Variants in ACOXL observed in about 807,000 individuals in gnomAD.
The protein encoded by ACOXL is acyl-CoA oxidase like.
A neutral mutation model predicts 71.9 loss-of-function variants in ACOXL; 70 were observed. The observed-to-expected ratio is 0.97, with a 90% confidence interval of 0.80 to 1.19. The LOEUF (loss-of-function observed/expected upper bound fraction) is 1.19. Ranked by LOEUF, ACOXL falls within the 50% of genes most tolerant of loss-of-function variation. The pLI is 0.00. For synonymous variants in ACOXL, 253 were observed against 281.6 expected (o/e 0.90, Z 1.02); for missense variants, 703 against 736.3 (o/e 0.95, Z 0.52).
At chr2:110,797,020 C>CT (rs1685366775) in intron 5 of ACOXL, among the ~76,000 whole-genome samples, 1 of 152,162 alleles carries the variant, frequency 6.6e-6, no homozygotes, top group African/African-American at 2.4e-5. Flanking sequence ...GTTCCACTCT[C>CT]TGCCATTTCT....
chr2:111,003,896 C>T (rs2063757890), intron 14 of ACOXL, among the ~76,000 whole-genome samples: 1 of 151,992 alleles, frequency 6.6e-6, no homozygotes, highest in African/African-American at 2.4e-5. Flanking sequence ...TGGTTTTAGC[C>T]CAAGGCAAAA....
chr2:111,097,094 A>G (rs4849391), intron 17 of ACOXL, among the ~76,000 whole-genome samples: 64,142 of 151,934 alleles, frequency 0.42, 14,201 homozygotes, highest in African/African-American at 0.53. Context: ...GGAAAATGCA[A>G]TTTTCTGACT....
rs1211188235 is a variant in ACOXL at position 110,963,475 on chromosome 2, A to G, written c.1060-23633A>G. On this transcript the variant is annotated intron_variant, in intron 12 of 17. Transcript: ENST00000439055. ...AGTGGTTATTTTGGCTAGGAGAAAT[A>G]TGATTGTTTACCTCTTTTCAATTTT... The G allele has an allele frequency of 4.0e-6, 5 of 1,249,534 alleles. No homozygotes were observed. In the East Asian group the frequency reaches 1.1e-4, roughly 29 times the overall value. 77.4% of individuals were successfully genotyped at this position (1,249,534 alleles called of 1,614,324 possible).
At chr2:110,961,419 G>C (rs572995339) in intron 12 of ACOXL, among the ~76,000 whole-genome samples, 3 of 152,290 alleles carry the variant, frequency 2.0e-5, no homozygotes, top group African/African-American at 7.2e-5. Context: ...TCTGCCCTTT[G>C]AGTAGATTCT....
chr2:110,853,286 C>G (rs560651525), intron 10 of ACOXL, among the ~76,000 whole-genome samples: 6 of 152,312 alleles, frequency 3.9e-5, no homozygotes, highest in Non-Finnish European at 7.4e-5. Context: ...TCCCAAAATG[C>G]TTGGTTCGGC....
chr2:110,805,274 T>A lies in ACOXL; in HGVS notation c.632T>A (p.Val211Glu), dbSNP rs750745063. Residue 211 changes from valine to glutamate, a missense_variant, in exon 9 of 18, where the codon GTG becomes GAG. Val to Glu is a moderately radical substitution (Grantham distance 121, BLOSUM62 -2). Coordinates refer to ENST00000439055, the MANE Select transcript of ACOXL (RefSeq NM_001142807.4). ...TCTCTTTTCCACAGGTTTGGTTCCG[T>A]GGCTCCAGATGGACAGTACCATTCG... ...RENLLDKFGSVAPDGQYHSPI... is the reference protein window; with the variant it reads ...RENLLDKFGSEAPDGQYHSPI... 1.2e-4 allele frequency: 194 copies of A among 1,614,074 alleles called. 1 individual carries two copies. In the Admixed American group the frequency reaches 3.2e-3, roughly 26 times the overall value.
intron 3 of ACOXL, among the ~76,000 whole-genome samples, chr2:110,785,044 A>G (rs915087617): frequency 6.6e-6 from 1 of 152,148 alleles, no homozygotes; most frequent in Non-Finnish European, 1.5e-5. Context: ...ATTTGTATCA[A>G]TTGGTTATTT....
chr2:110,820,476 A>G (rs912493565), intron 9 of ACOXL, among the ~76,000 whole-genome samples: 2 of 152,080 alleles, frequency 1.3e-5, no homozygotes, highest in Non-Finnish European at 2.9e-5. Context: ...AAGCAGGTGC[A>G]AGAAAGTTGA....
intron 14 of ACOXL, among the ~76,000 whole-genome samples, chr2:111,029,421 AGGCCGAGCCAG>A (rs1361806078): frequency 1.3e-5 from 2 of 152,228 alleles, no homozygotes; most frequent in African/African-American, 4.8e-5. Flanking sequence ...CTGCACTTGG[AGGCCGAGCCAG>A]AATTTGACCT....
At chr2:110,894,365 T>C (rs1290045148) in intron 10 of ACOXL, among the ~76,000 whole-genome samples, 5 of 149,972 alleles carry the variant, frequency 3.3e-5, no homozygotes, top group Non-Finnish European at 4.4e-5. Flanking sequence ...GAGCCTGCTT[T>C]CTCTAGCCAG....
chr2:111,020,592 T>G (rs2064706169), intron 14 of ACOXL, among the ~76,000 whole-genome samples: 1 of 152,194 alleles, frequency 6.6e-6, no homozygotes, highest in African/African-American at 2.4e-5. Flanking sequence ...CATGTGCATG[T>G]GCATATGTGT....
chr2:110,995,826 A>G (rs535484935), intron 13 of ACOXL, 67 bp from the exon 14 acceptor site: 4 of 1,272,456 alleles, frequency 3.1e-6, no homozygotes, highest in African/African-American at 1.5e-5. Flanking sequence ...AACCTACTCT[A>G]TTTCTTTCAA....
chr2:111,060,217 ACTTCTTC>A (rs2066741631), intron 16 of ACOXL, among the ~76,000 whole-genome samples: 1 of 152,110 alleles, frequency 6.6e-6, no homozygotes, highest in South Asian at 2.1e-4. Flanking sequence ...GGGAGCCTGG[ACTTCTTC>A]CTCTACCCAG....
chr2:110,861,258 C>G (rs934758941), intron 10 of ACOXL, among the ~76,000 whole-genome samples: 1 of 152,096 alleles, frequency 6.6e-6, no homozygotes, highest in Admixed American at 6.5e-5. Flanking sequence ...TTTCTTTTTG[C>G]TTGATTATAA....
Position 110,930,483 on chromosome 2 carries a change from A to G in ACOXL, c.906-3006A>G, listed in dbSNP as rs114088851. ...TGCTTTGTCTCAGATAAGACTTTGG[A>G]CTGTAAACTTTTGAGTTAATGCTGA... On this transcript the variant is annotated intron_variant, in intron 11 of 17. Coordinates refer to ENST00000439055, the MANE Select transcript of ACOXL (RefSeq NM_001142807.4). Among the ~76,000 whole-genome samples the G allele has an allele frequency of 2.0e-3, 298 of 152,290 alleles. 3 individuals are homozygous for G. The highest frequency in any genetic ancestry group is 7.0e-3 in the African/African-American group (292 of 41,556).
chr2:110,816,135 G>A (rs1687885539), intron 9 of ACOXL, among the ~76,000 whole-genome samples: 1 of 151,918 alleles, frequency 6.6e-6, no homozygotes, highest in African/African-American at 2.4e-5. Flanking sequence ...ATGAATGGAT[G>A]GATAGACAGA....
intron 9 of ACOXL, among the ~76,000 whole-genome samples, chr2:110,815,407 C>G (rs1221151394): frequency 6.6e-6 from 1 of 152,164 alleles, no homozygotes; most frequent in Non-Finnish European, 1.5e-5. Flanking sequence ...ATTTCATATT[C>G]TCCTTTGTTA....
intron 16 of ACOXL, among the ~76,000 whole-genome samples, chr2:111,086,343 G>A (rs964487579): frequency 6.6e-6 from 1 of 152,142 alleles, no homozygotes; most frequent in Non-Finnish European, 1.5e-5. Flanking sequence ...AAATCCAGCA[G>A]CATGTAAAAA....
intron 17 of ACOXL, chr2:111,112,798 C>T (rs1015050623): frequency 1.9e-4 from 29 of 152,190 alleles, no homozygotes; most frequent in African/African-American, 6.0e-4. Context: ...GAAGGGCACT[C>T]CCAATTTACT....
Sources: allele counts gnomAD v4.1 joint callset (sites outside exome capture counted in the v4.1 genomes callset), GRCh38; gene constraint gnomAD v4.1.1; transcripts MANE v1.5; gene names NCBI Gene and HGNC (gene_info 2026-07-23, HGNC 2026-07-21).